Variants in F9 observed in about 807,000 individuals in gnomAD.
F9 encodes coagulation factor IX.
F9 carries 2 observed loss-of-function variants against 34.1 expected under a neutral mutation model. That is an observed-to-expected ratio of 0.06 (90% CI 0.02 to 0.18). The LOEUF (loss-of-function observed/expected upper bound fraction) is 0.18. Ranked by LOEUF, F9 falls within the 10% of genes least tolerant of loss-of-function variation. The pLI is 1.00. For missense variants in F9, 216 were observed against 345.1 expected (o/e 0.63, Z 2.96); for synonymous variants, 137 against 118.8 (o/e 1.15, Z -1.00).
intron 4 of F9, among the ~76,000 whole-genome samples, chrX:139,541,953 T>A (rs4149755): frequency 0.043 from 4,805 of 111,569 alleles, 128 homozygotes; most frequent in Non-Finnish European, 0.068. Context: ...ACTGGTACTG[T>A]GATTGAGAAA....
chrX:139,539,881 T>C (rs189437126), intron 3 of F9, among the ~76,000 whole-genome samples: 2 of 111,521 alleles, frequency 1.8e-5, no homozygotes, highest in South Asian at 3.8e-4. Flanking sequence ...TATTAGTCTC[T>C]TAGTCAACGG....
At chrX:139,542,708 A>C (rs1258861010) in intron 4 of F9, among the ~76,000 whole-genome samples, 3 of 112,057 alleles carry the variant, frequency 2.7e-5, no homozygotes, top group African/African-American at 9.7e-5. Context: ...GAGGAAGGGA[A>C]TAGCCCTGAG....
In F9 at chrX:139,547,739, C is replaced by T. The variant is rs375161459; in HGVS notation, c.392-624C>T. 6 of 112,246 alleles carry T rather than the reference C, an allele frequency of 5.3e-5. No individual in the cohort carries two copies. In the East Asian group the frequency reaches 1.7e-3, roughly 31 times the overall value. 9.3% of individuals were successfully genotyped at this position (112,246 alleles called of 1,213,427 possible). A position where few individuals can be genotyped will look rare whatever the true frequency, so the allele number is the denominator to read the frequency against. ...GCTGTAATAGTAATACAGTGGAATA[C>T]TACACAGCAATGTAAATGAACTACT... On this transcript the variant is annotated intron_variant, in intron 4 of 7. Coordinates refer to ENST00000218099, the MANE Select transcript of F9 (RefSeq NM_000133.4).
chrX:139,534,998 T>C (rs1179619202), intron 1 of F9, among the ~76,000 whole-genome samples: 2 of 111,601 alleles, frequency 1.8e-5, no homozygotes, highest in Non-Finnish European at 3.8e-5. Context: ...GGGCTAGGAT[T>C]GCAGGGTGGG....
Position 139,563,435 on chromosome X carries a change from T to G in F9, c.*1364T>G, listed in dbSNP as rs1430925100. The G allele has an allele frequency of 9.0e-6, 1 of 111,635 alleles. No homozygotes were observed. Among genetic ancestry groups the G allele is most frequent in the Non-Finnish European group, 1.9e-5 (1 of 53,157 alleles). 9.2% of individuals were successfully genotyped at this position (111,635 alleles called of 1,213,427 possible). A position where few individuals can be genotyped will look rare whatever the true frequency, so the allele number is the denominator to read the frequency against. Reference sequence around the variant, plus strand: ...CTGACGTATGTTTCCCTTTGTGAATTAATAAACTGGTGTTCTGGTTCATAC... The same window carrying G: ...CTGACGTATGTTTCCCTTTGTGAATGAATAAACTGGTGTTCTGGTTCATAC... On this transcript the variant is annotated 3_prime_UTR_variant, in exon 8 of 8. Coordinates refer to ENST00000218099, the MANE Select transcript of F9 (RefSeq NM_000133.4).
At chrX:139,539,594 T>G (rs1205417150) in intron 3 of F9, among the ~76,000 whole-genome samples, 2 of 112,436 alleles carry the variant, frequency 1.8e-5, no homozygotes, top group Admixed American at 9.4e-5. Context: ...AGCAAATGAG[T>G]TCCTGTGTAG....
chrX:139,532,304 C>G (rs1187754700), intron 1 of F9, among the ~76,000 whole-genome samples: 2 of 111,995 alleles, frequency 1.8e-5, no homozygotes, highest in Non-Finnish European at 3.8e-5. Context: ...ATGCAGCACT[C>G]TCTTCTGCTA....
At chrX:139,557,474 GA>G (rs1279986266) in intron 6 of F9, among the ~76,000 whole-genome samples, 1 of 111,691 alleles carries the variant, frequency 9.0e-6, no homozygotes, top group African/African-American at 3.3e-5. Flanking sequence ...GAAAGTAGTA[GA>G]AGCTCCAGGA....
At chrX:139,561,226 G>A (rs1029762789) in intron 7 of F9, among the ~76,000 whole-genome samples, 5 of 111,644 alleles carry the variant, frequency 4.5e-5, no homozygotes, top group African/African-American at 9.8e-5. Flanking sequence ...GCTCAAAAAA[G>A]GGGTGAGGAT....
At chrX:139,555,788 A>G (rs1419832053) in intron 6 of F9, among the ~76,000 whole-genome samples, 1 of 112,337 alleles carries the variant, frequency 8.9e-6, no homozygotes, top group African/African-American at 3.2e-5. Context: ...GGTGTAGTAA[A>G]CTAAAACAAG....
Position 139,551,153 on chromosome X carries a change from T to G in F9, c.612T>G (p.Ser204=), listed in dbSNP as rs1199474371. ...TVFPDVDYVN[S]TEAETILDNI... ...TTCCTGATGTGGACTATGTAAATTC[T>G]ACTGAAGCTGAAACCATTTTGGATA... Residue 204 remains serine, a synonymous_variant, in exon 6 of 8, where the codon TCT becomes TCG. Coordinates refer to ENST00000218099, the MANE Select transcript of F9 (RefSeq NM_000133.4). 1.7e-6 allele frequency: 2 copies of G among 1,209,377 alleles called. No homozygotes were observed. Among genetic ancestry groups the G allele is most frequent in the Non-Finnish European group, 2.2e-6 (2 of 894,509 alleles).
chrX:139,533,315 T>C (rs914798088), intron 1 of F9, among the ~76,000 whole-genome samples: 1 of 111,963 alleles, frequency 8.9e-6, no homozygotes, highest in Non-Finnish European at 1.9e-5. Context: ...TTTTAGTATG[T>C]TACCTTGGGC....
chrX:139,533,501 A>T (rs1213058873), intron 1 of F9, among the ~76,000 whole-genome samples: 2 of 112,467 alleles, frequency 1.8e-5, no homozygotes, highest in African/African-American at 6.5e-5. Flanking sequence ...CTACATTATG[A>T]TATACAGTTA....
intron 1 of F9, 78 bp from the exon 2 acceptor site, chrX:139,536,932 G>T: frequency 9.8e-7 from 1 of 1,024,312 alleles, no homozygotes; most frequent in South Asian, 2.1e-5. Flanking sequence ...TAAAAACAAA[G>T]ACTTTCTTAA....
chrX:139,543,538 A>G (rs747758045), intron 4 of F9, among the ~76,000 whole-genome samples: 65 of 112,443 alleles, frequency 5.8e-4, no homozygotes, highest in African/African-American at 2.1e-3. Flanking sequence ...CTGAGGAGTA[A>G]AAAAAGGAAA....
At chrX:139,551,786 T>C (rs1465212014) in intron 6 of F9, among the ~76,000 whole-genome samples, 1 of 111,385 alleles carries the variant, frequency 9.0e-6, no homozygotes, top group Non-Finnish European at 1.9e-5. Flanking sequence ...AACGTAGAAA[T>C]GCAAATTCTC....
intron 6 of F9, among the ~76,000 whole-genome samples, chrX:139,558,060 T>C (rs1331139833): frequency 8.9e-6 from 1 of 112,660 alleles, no homozygotes; most frequent in Non-Finnish European, 1.9e-5. Flanking sequence ...ATGCTCTCCC[T>C]CCTCATCCCT....
chrX:139,543,025 C>T (rs1927638172), intron 4 of F9, among the ~76,000 whole-genome samples: 1 of 110,540 alleles, frequency 9.0e-6, no homozygotes, highest in African/African-American at 3.3e-5. Flanking sequence ...AAAGCTACAG[C>T]AAAAGCATAA....
chrX:139,555,417 A>C (rs1282800731), intron 6 of F9, among the ~76,000 whole-genome samples: 2 of 112,858 alleles, frequency 1.8e-5, no homozygotes, highest in African/African-American at 6.4e-5. Flanking sequence ...GCCAAGGGCC[A>C]ACGCAGCCGC....
Sources: gnomAD v4.1 joint callset for allele counts (sites outside exome capture counted in the v4.1 genomes callset) on GRCh38, gnomAD v4.1.1 for gene constraint, MANE v1.5 for transcripts, NCBI Gene and HGNC (gene_info 2026-07-23, HGNC 2026-07-21) for gene names.